FAM227B: variants seen among roughly 807,000 people sequenced by gnomAD.
The protein encoded by FAM227B is protein FAM227B.
Under a neutral mutation model 73.8 loss-of-function variants are expected in FAM227B, and 88 were observed. The ratio of observed to expected loss-of-function variants is 1.19; its 90% CI spans 1.00 to 1.42. The LOEUF (loss-of-function observed/expected upper bound fraction) is 1.42, where lower values mean the gene tolerates loss of function less well. Ranked by LOEUF, FAM227B falls within the 40% of genes most tolerant of loss-of-function variation. FAM227B has a pLI of 0.00. For missense variants in FAM227B, 632 were observed against 590.9 expected, an observed-to-expected ratio of 1.07 and a Z score of -0.72; for synonymous variants, 210 against 190.5, an observed-to-expected ratio of 1.10 and a Z score of -0.84.
chr15:49,544,969 T>TTTTGTTATG (rs1273301093), intron 9 of FAM227B, among the ~76,000 whole-genome samples: 1 of 152,150 alleles, frequency 6.6e-6, no homozygotes, highest in African/African-American at 2.4e-5. Flanking sequence ...AGTTTTCTTT[T>TTTTGTTATG]TTTGTTATGT....
chr15:49,545,815 G>T (rs1261666260), intron 9 of FAM227B, among the ~76,000 whole-genome samples: 1 of 151,956 alleles, frequency 6.6e-6, no homozygotes, highest in Non-Finnish European at 1.5e-5. Flanking sequence ...GGTTCCTTTT[G>T]GAGTAATTTC....
At chr15:49,457,589 A>G (rs983482428) in intron 11 of FAM227B, among the ~76,000 whole-genome samples, 1 of 152,012 alleles carries the variant, frequency 6.6e-6, no homozygotes, top group Admixed American at 6.6e-5. Context: ...ATTTCTCAAG[A>G]GGAAAGAAAA....
intron 11 of FAM227B, among the ~76,000 whole-genome samples, chr15:49,499,161 G>A (rs1332846599): frequency 1.1e-4 from 8 of 72,076 alleles, no homozygotes; most frequent in Non-Finnish European, 1.4e-4. Context: ...GCGAGACTCC[G>A]TCTCAAAAAA....
chr15:49,613,379 G>C (rs752385662), intron 2 of FAM227B, among the ~76,000 whole-genome samples: 1 of 151,886 alleles, frequency 6.6e-6, no homozygotes, highest in African/African-American at 2.4e-5. Context: ...AATTAGCCAG[G>C]TGTCCCAGCT....
intron 11 of FAM227B, among the ~76,000 whole-genome samples, chr15:49,393,205 G>A (rs1046136049): frequency 6.6e-6 from 1 of 152,100 alleles, no homozygotes; most frequent in Non-Finnish European, 1.5e-5. Flanking sequence ...TCAAAATGTG[G>A]GGAGAGGGCT....
intron 11 of FAM227B, among the ~76,000 whole-genome samples, chr15:49,475,118 G>C (rs2055143353): frequency 6.6e-6 from 1 of 152,108 alleles, no homozygotes; most frequent in Non-Finnish European, 1.5e-5. Context: ...TGATCAGTTT[G>C]ATTAATTTTT....
rs1179810164 is a variant in FAM227B at position 49,398,788 on chromosome 15, C to A, written c.1013-27389G>T. 6.4e-5 allele frequency among the ~76,000 whole-genome samples: 3 copies of A among 47,098 alleles called. No homozygotes were observed. In the East Asian group the frequency reaches 1.1e-3, roughly 17 times the overall value. 30.9% of individuals were successfully genotyped at this position (47,098 alleles called of 152,430 possible). On this transcript the variant is annotated intron_variant, in intron 11 of 15. Transcript: ENST00000299338. ...AAATGAAGGCAGAAATAAAGATGTT[C>A]TTTGAAACCAACGAGAACAAAGACA...
intron 1 of FAM227B, among the ~76,000 whole-genome samples, chr15:49,617,803 T>C (rs1325090680): frequency 6.6e-6 from 1 of 150,580 alleles, no homozygotes; most frequent in African/African-American, 2.5e-5. Flanking sequence ...TGTGTGTGTG[T>C]GTGACAGAGT....
At chr15:49,378,211 G>C (rs1027340142) in intron 11 of FAM227B, among the ~76,000 whole-genome samples, 1 of 151,808 alleles carries the variant, frequency 6.6e-6, no homozygotes, top group Non-Finnish European at 1.5e-5. Context: ...CTGTTCCATT[G>C]GTCTGTGTGT....
chr15:49,568,440 G>C, intron 8 of FAM227B, 94 bp from the exon 9 acceptor site: 1 of 1,003,574 alleles, frequency 1.0e-6, no homozygotes, highest in African/African-American at 1.6e-5. Context: ...CTCATGAGCA[G>C]ATCAATTGGT....
rs112752719 is a variant in FAM227B at position 49,427,214 on chromosome 15, A to G, written c.1013-55815T>C. Reference sequence around the variant, plus strand: ...TGCTATATTAGGAAATCTAGGTTCAAAAAATGCTCAGAATTTGTTTAAAAT... The same window carrying G: ...TGCTATATTAGGAAATCTAGGTTCAGAAAATGCTCAGAATTTGTTTAAAAT... On this transcript the variant is annotated intron_variant, in intron 11 of 15. Transcript: ENST00000299338. Among the ~76,000 whole-genome samples, 754 of 152,188 alleles carry G rather than the reference A, an allele frequency of 5.0e-3. 5 individuals are homozygous for G. The highest frequency in any genetic ancestry group is 0.017 in the African/African-American group (722 of 41,566).
At chr15:49,594,543 C>T (rs975716100) in intron 3 of FAM227B, among the ~76,000 whole-genome samples, 8 of 151,880 alleles carry the variant, frequency 5.3e-5, no homozygotes, top group African/African-American at 7.2e-5. Context: ...ATCTTCAGAT[C>T]GTTATGGTTT....
chr15:49,331,826 T>C lies in FAM227B; in HGVS notation c.1373A>G (p.Lys458Arg). 4 of 1,611,386 alleles carry C rather than the reference T, an allele frequency of 2.5e-6. No homozygotes were observed. The highest frequency in any genetic ancestry group is 3.4e-6 in the Non-Finnish European group (4 of 1,177,590). ...FRILQAKATK[K>R]PHEVKQDFEK... ...AAAGTCCTGTTTCACTTCATGAGGT[T>C]TCTTGGTAGCCTTTGCTTGGAGTCT... Residue 458 changes from lysine (K) to arginine (R), a missense_variant, in exon 15 of 16, where the codon AAA becomes AGA. Transcript: ENST00000299338.
At chr15:49,469,104 T>C (rs920024763) in intron 11 of FAM227B, among the ~76,000 whole-genome samples, 1 of 152,174 alleles carries the variant, frequency 6.6e-6, no homozygotes, top group Non-Finnish European at 1.5e-5. Context: ...AGAAAATAAA[T>C]GACTCATAAA....
At chr15:49,564,602 T>C (rs964431906) in intron 9 of FAM227B, among the ~76,000 whole-genome samples, 3 of 152,144 alleles carry the variant, frequency 2.0e-5, no homozygotes, top group Non-Finnish European at 4.4e-5. Context: ...TATCCATCAA[T>C]GGTGAACTGG....
chr15:49,368,295 C>G (rs2045514187), intron 12 of FAM227B, among the ~76,000 whole-genome samples: 1 of 152,082 alleles, frequency 6.6e-6, no homozygotes, highest in African/African-American at 2.4e-5. Context: ...ATAGCAACTA[C>G]TAATATTTTA....
intron 3 of FAM227B, among the ~76,000 whole-genome samples, chr15:49,610,616 C>T (rs2077842171): frequency 6.6e-6 from 1 of 151,884 alleles, no homozygotes; most frequent in African/African-American, 2.4e-5. Context: ...AAAAAGCCAC[C>T]TTTTTTCTGT....
intron 15 of FAM227B, chr15:49,331,042 CTCTT>C (rs1260166525): frequency 2.0e-5 from 3 of 152,248 alleles, no homozygotes; most frequent in Non-Finnish European, 2.9e-5. Flanking sequence ...AGGTGTTTCA[CTCTT>C]TCTATCACTT....
intron 3 of FAM227B, chr15:49,606,308 A>G (rs931395098): frequency 6.6e-6 from 1 of 152,044 alleles, no homozygotes; most frequent in Non-Finnish European, 1.5e-5. Context: ...CAAAGCCATG[A>G]GTTCACACTG....
Sources: allele counts gnomAD v4.1 joint callset (sites outside exome capture counted in the v4.1 genomes callset), GRCh38; gene constraint gnomAD v4.1.1; transcripts MANE v1.5; gene names NCBI Gene and HGNC (gene_info 2026-07-23, HGNC 2026-07-21).